The following NF1 variants were observed in gnomAD, a reference collection of about 807,000 sequenced individuals.
The protein encoded by NF1 is neurofibromin 1.
NF1 carries 122 observed loss-of-function variants against 325.7 expected under a neutral mutation model. The observed-to-expected ratio is 0.37, with a 90% CI of 0.32 to 0.44. The LOEUF (loss-of-function observed/expected upper bound fraction) is 0.44. Among genes scored for constraint, NF1 ranks in the 20% least tolerant of loss-of-function variants. NF1 has a pLI of 1.00. For synonymous variants in NF1, 1,091 were observed against 1,186.0 expected (o/e 0.92, Z 1.65); for missense variants, 2,140 against 3,415.4 (o/e 0.63, Z 9.31).
At chr17:31,156,728 C>T (rs2065670249) in intron 2 of NF1, among the ~76,000 whole-genome samples, 1 of 152,126 alleles carries the variant, frequency 6.6e-6, no homozygotes, top group African/African-American at 2.4e-5. Flanking sequence ...TTTCTTTCTT[C>T]TTCCCATTTT....
chr17:31,316,128 T>C (rs1020006280), intron 36 of NF1, among the ~76,000 whole-genome samples: 1 of 152,150 alleles, frequency 6.6e-6, no homozygotes, highest in Non-Finnish European at 1.5e-5. Flanking sequence ...CTCAAACTCC[T>C]GGCCTCAGGT....
At chr17:31,166,538 T>C (rs2065847359) in intron 4 of NF1, among the ~76,000 whole-genome samples, 1 of 152,196 alleles carries the variant, frequency 6.6e-6, no homozygotes, top group Non-Finnish European at 1.5e-5. Context: ...ATTTTTTTCT[T>C]AATTTCTCAG....
At chr17:31,331,636 AT>A (rs1430355761) in intron 39 of NF1, 1 of 152,190 alleles carries the variant, frequency 6.6e-6, no homozygotes, top group Non-Finnish European at 1.5e-5. Flanking sequence ...GAGAGATTAA[AT>A]CATTTAATAA....
At chr17:31,263,311 G>A (rs146576677) in intron 35 of NF1, among the ~76,000 whole-genome samples, 52 of 152,042 alleles carry the variant, frequency 3.4e-4, no homozygotes, top group African/African-American at 1.1e-3. Context: ...GTGATGGTAC[G>A]CACCTGTGGT....
intron 36 of NF1, chr17:31,272,541 A>C (rs1281209907): frequency 6.6e-6 from 1 of 152,204 alleles, no homozygotes; most frequent in African/African-American, 2.4e-5. Flanking sequence ...ATTTGGAGTC[A>C]TCTTGGGACT....
Position 31,163,169 on chromosome 17 carries a change from G to T in NF1, c.289-17G>T, listed in dbSNP as rs2143669784. On this transcript the variant is annotated splice_polypyrimidine_tract_variant and intron_variant, in intron 3 of 57. Coordinates refer to ENST00000358273, the MANE Select transcript of NF1 (RefSeq NM_001042492.3). The stretch of plus-strand genomic sequence containing the variant: ...GTAAAATTAAAGTTTAGAATAATGT[G>T]ATTATTTCTATTTTAGCAACCAAAG... 1 of 1,611,952 alleles carries T rather than the reference G, an allele frequency of 6.2e-7. No homozygotes were observed. Among genetic ancestry groups the T allele is most frequent in the South Asian group, 1.1e-5 (1 of 90,920 alleles).
At chr17:31,318,001 ATATT>A in intron 36 of NF1, 1 of 303,332 alleles carries the variant, frequency 3.3e-6, no homozygotes, top group Admixed American at 4.7e-5. Context: ...TACATAGGGA[ATATT>A]TATTTAATTA....
At chr17:31,171,235 G>T (rs1423152692) in intron 5 of NF1, among the ~76,000 whole-genome samples, 2 of 152,022 alleles carry the variant, frequency 1.3e-5, no homozygotes, top group East Asian at 3.8e-4. Flanking sequence ...AAAATATAGG[G>T]GTGATTTTAG....
chr17:31,112,563 T>C (rs940058887), intron 1 of NF1, among the ~76,000 whole-genome samples: 1 of 152,230 alleles, frequency 6.6e-6, no homozygotes, highest in African/African-American at 2.4e-5. Flanking sequence ...TTTCATGTGC[T>C]TATTTACCAT....
Position 31,374,031 on chromosome 17 carries a change from T to C in NF1, c.8396T>C (p.Val2799Ala), listed in dbSNP as rs2070695501. ...TCTCCAGGAATCGACAAGGAGAACGTTGAACTCTCCCCTACCACTGGCCAC... is the reference window on the plus strand; with the variant it reads ...TCTCCAGGAATCGACAAGGAGAACGCTGAACTCTCCCCTACCACTGGCCAC... ...QHSPGIDKEN[V>A]ELSPTTGHCN... Residue 2799 changes from valine (V) to alanine (A), a missense_variant, in exon 58 of 58, where the codon GTT becomes GCT. This residue lies in a region of NF1 where 522 missense variants were observed against 749.0 expected (regional missense o/e 0.70). Coordinates refer to ENST00000358273, the MANE Select transcript of NF1 (RefSeq NM_001042492.3). 1.9e-6 allele frequency: 3 copies of C among 1,614,072 alleles called. No homozygotes were observed. The highest frequency in any genetic ancestry group is 2.5e-6 in the Non-Finnish European group (3 of 1,179,942).
chr17:31,211,167 G>C (rs968508400), intron 12 of NF1, among the ~76,000 whole-genome samples: 5 of 152,172 alleles, frequency 3.3e-5, no homozygotes, highest in Admixed American at 3.3e-4. Flanking sequence ...TCCCAGACAT[G>C]ATTGCCTCTC....
At chr17:31,224,898 CTG>C (rs2066985871) in intron 16 of NF1, among the ~76,000 whole-genome samples, 195 bp from the exon 17 acceptor site, 1 of 152,050 alleles carries the variant, frequency 6.6e-6, no homozygotes, top group Admixed American at 6.5e-5. Flanking sequence ...GAATGGGAAA[CTG>C]AAAGAAATTT....
chr17:31,219,910 C>A (rs531206319), intron 14 of NF1, among the ~76,000 whole-genome samples: 1 of 152,104 alleles, frequency 6.6e-6, no homozygotes, highest in South Asian at 2.1e-4. Context: ...CTTTTTATTG[C>A]CAAATATTTC....
chr17:31,222,656 T>A, intron 15 of NF1: 1 of 427,824 alleles, frequency 2.3e-6, no homozygotes, highest in Non-Finnish European at 3.2e-6. Flanking sequence ...TAATTGTAAT[T>A]ATGTTTTGTT....
In NF1 at chr17:31,248,347, C is replaced by T. The variant is rs943766332; in HGVS notation, c.3975-637C>T. The stretch of plus-strand genomic sequence containing the variant: ...TGTTTTATCTGTCCCCTCTCTCCCC[C>T]TTTTGTTGCTTGGGTATTTTAAAGC... On this transcript the variant is annotated intron_variant, in intron 29 of 57. Coordinates refer to ENST00000358273, the MANE Select transcript of NF1 (RefSeq NM_001042492.3). Among the ~76,000 whole-genome samples the T allele has an allele frequency of 3.2e-4, 48 of 152,132 alleles. 1 individual carries two copies. The highest frequency in any genetic ancestry group is 5.9e-5 in the Non-Finnish European group (4 of 68,038).
intron 50 of NF1, among the ~76,000 whole-genome samples, chr17:31,350,718 G>A (rs1300289787): frequency 6.6e-6 from 1 of 152,114 alleles, no homozygotes; most frequent in Non-Finnish European, 1.5e-5. Flanking sequence ...CACATTTGTT[G>A]TATTTACTCA....
chr17:31,311,198 C>T (rs1180313045), intron 36 of NF1, among the ~76,000 whole-genome samples: 1 of 151,904 alleles, frequency 6.6e-6, no homozygotes, highest in Non-Finnish European at 1.5e-5. Flanking sequence ...AGTGACCCAC[C>T]CACCTTGGCC....
chr17:31,300,950 C>G (rs2068560439), intron 36 of NF1, among the ~76,000 whole-genome samples: 1 of 152,072 alleles, frequency 6.6e-6, no homozygotes, highest in Non-Finnish European at 1.5e-5. Flanking sequence ...TCTCCTGTAA[C>G]TGTCTTTTTA....
rs527858948 is a variant in NF1, at chr17:31,174,921, G to A, written c.586+4924G>A. On this transcript the variant is annotated intron_variant, in intron 5 of 57. Coordinates refer to ENST00000358273, the MANE Select transcript of NF1 (RefSeq NM_001042492.3). ...GTCAGGAGTTCGAGACCAGCCTGAC[G>A]AACATGGTGAAACCCCATCTCTACT... is the stretch of plus-strand genomic sequence containing the variant. Among the ~76,000 whole-genome samples, 6 of 151,764 alleles carry A rather than the reference G, an allele frequency of 4.0e-5. No homozygotes were observed. The East Asian group carries it at 1.2e-3, about 29-fold the overall frequency.
Sources: gnomAD v4.1 joint callset for allele counts (sites outside exome capture counted in the v4.1 genomes callset) on GRCh38, gnomAD v4.1.1 for gene constraint, gnomAD v4.1.1 regional missense constraint, MANE v1.5 for transcripts, NCBI Gene and HGNC (gene_info 2026-07-23, HGNC 2026-07-21) for gene names.